Variants in NBEA observed in about 807,000 individuals in gnomAD.
The protein encoded by NBEA is neurobeachin.
Under a neutral mutation model 343.4 loss-of-function variants are expected in NBEA, and 44 were observed. That is an observed-to-expected ratio of 0.13 (90% CI 0.10 to 0.16). The LOEUF (loss-of-function observed/expected upper bound fraction) is 0.16, where lower values mean the gene tolerates loss of function less well. Among genes scored for constraint, NBEA ranks in the 10% least tolerant of loss-of-function variants. The pLI, the probability that NBEA is intolerant of heterozygous loss-of-function variation, is 1.00. For missense variants in NBEA, 2,555 were observed against 3,631.3 expected (o/e 0.70, Z 7.62); for synonymous variants, 1,175 against 1,238.7 (o/e 0.95, Z 1.08).
chr13:35,402,388 G>GA (rs773172780), intron 38 of NBEA, among the ~76,000 whole-genome samples: 1 of 151,980 alleles, frequency 6.6e-6, no homozygotes, highest in South Asian at 2.1e-4. Context: ...GAATTTGGAA[G>GA]AAAAAATATA....
chr13:35,654,396 A>G (rs577544606), intron 53 of NBEA, among the ~76,000 whole-genome samples: 5 of 152,072 alleles, frequency 3.3e-5, no homozygotes, highest in Non-Finnish European at 7.4e-5. Flanking sequence ...TCAAATCTCT[A>G]CCCTCCTTTT....
At chr13:35,646,827 C>T (rs1374610973) in intron 51 of NBEA, among the ~76,000 whole-genome samples, 1 of 152,132 alleles carries the variant, frequency 6.6e-6, no homozygotes, top group Non-Finnish European at 1.5e-5. Context: ...AGAGTAAGGG[C>T]CCCAGAGCCG....
chr13:35,632,513 A>G lies in NBEA; in HGVS notation c.7617+4265A>G, dbSNP rs560845394. ...GAAAGCTTTTTTTTTTTCCCCTACA[A>G]AAGTACAGAGAATGGTATAATGAAC... On this transcript the variant is annotated intron_variant, in intron 49 of 58. Coordinates refer to ENST00000379939, the MANE Select transcript of NBEA (RefSeq NM_001385012.1). Among the ~76,000 whole-genome samples the G allele has an allele frequency of 2.0e-5, 3 of 152,178 alleles. No homozygotes were observed. In the East Asian group the frequency reaches 5.8e-4, roughly 29 times the overall value.
chr13:35,413,145 G>A (rs1248887268), intron 38 of NBEA, among the ~76,000 whole-genome samples: 14 of 152,094 alleles, frequency 9.2e-5, no homozygotes, highest in Non-Finnish European at 2.9e-5. Context: ...TTTATTAGCT[G>A]GAGGAGGTCA....
At chr13:34,987,503 T>G (rs189730640) in intron 1 of NBEA, among the ~76,000 whole-genome samples, 11 of 150,966 alleles carry the variant, frequency 7.3e-5, no homozygotes, top group Non-Finnish European at 1.5e-4. Context: ...AGTATCTTTG[T>G]GGTGTTCTTT....
intron 1 of NBEA, among the ~76,000 whole-genome samples, chr13:34,998,249 C>T (rs1288499511): frequency 6.6e-6 from 1 of 152,090 alleles, no homozygotes; most frequent in Non-Finnish European, 1.5e-5. Context: ...AGATCACCTG[C>T]TTCACAAGGT....
intron 34 of NBEA, among the ~76,000 whole-genome samples, chr13:35,278,840 A>G (rs1004746427): frequency 2.0e-5 from 3 of 152,192 alleles, no homozygotes; most frequent in Admixed American, 6.6e-5. Flanking sequence ...AGTCTCTGTC[A>G]TAGTGCTCAA....
chr13:35,116,751 G>A (rs1410084750), intron 13 of NBEA, among the ~76,000 whole-genome samples: 1 of 151,754 alleles, frequency 6.6e-6, no homozygotes, highest in African/African-American at 2.4e-5. Context: ...ATTCTGTATT[G>A]TATATTATGC....
intron 16 of NBEA, among the ~76,000 whole-genome samples, chr13:35,122,436 T>C (rs1157050689): frequency 6.6e-6 from 1 of 152,038 alleles, no homozygotes; most frequent in East Asian, 1.9e-4. Flanking sequence ...TGGATGAAGC[T>C]GGAAACCATC....
At chr13:35,439,473 A>G (rs903767648) in intron 39 of NBEA, among the ~76,000 whole-genome samples, 1 of 152,012 alleles carries the variant, frequency 6.6e-6, no homozygotes, top group South Asian at 2.1e-4. Context: ...TTACCATGGC[A>G]TGGAGACATA....
At chr13:35,529,931 GA>G (rs1267093312) in intron 41 of NBEA, among the ~76,000 whole-genome samples, 3 of 152,214 alleles carry the variant, frequency 2.0e-5, no homozygotes, top group Non-Finnish European at 1.5e-5. Flanking sequence ...ATCTTTACAA[GA>G]GGATTGTTTT....
intron 41 of NBEA, among the ~76,000 whole-genome samples, chr13:35,511,507 A>G (rs1167954384): frequency 3.3e-5 from 5 of 152,198 alleles, no homozygotes; most frequent in Non-Finnish European, 1.5e-5. Context: ...GAAAGAAAAA[A>G]TAATCACTAG....
At chr13:35,290,269 CT>C in intron 34 of NBEA, 119 bp from the exon 35 acceptor site, 2 of 616,178 alleles carry the variant, frequency 3.2e-6, no homozygotes, top group South Asian at 2.0e-5. Flanking sequence ...TTCAGTTTAC[CT>C]TAGGAATTCT....
chr13:35,251,728 G>A (rs953096072), intron 34 of NBEA: 9 of 293,850 alleles, frequency 3.1e-5, no homozygotes, highest in South Asian at 1.7e-4. Context: ...ATGACTACCC[G>A]ATGGAGCTGT....
At chr13:34,977,984 T>C (rs1250558405) in intron 1 of NBEA, among the ~76,000 whole-genome samples, 1 of 152,152 alleles carries the variant, frequency 6.6e-6, no homozygotes. Flanking sequence ...AAAAAATTTT[T>C]TTTTTAGAGA....
intron 38 of NBEA, among the ~76,000 whole-genome samples, chr13:35,374,795 A>G (rs771380208): frequency 1.1e-4 from 17 of 152,152 alleles, no homozygotes; most frequent in Non-Finnish European, 1.9e-4. Context: ...ACACAAGTTT[A>G]AAAGTATCTT....
intron 45 of NBEA, among the ~76,000 whole-genome samples, chr13:35,574,386 AAAAG>A (rs1394588101): frequency 1.0e-4 from 13 of 128,218 alleles, no homozygotes; most frequent in African/African-American, 3.3e-4. Context: ...CTATCAAAAA[AAAAG>A]AAAAACAAAA....
intron 38 of NBEA, among the ~76,000 whole-genome samples, chr13:35,365,424 T>C (rs1422052862): frequency 6.6e-6 from 1 of 151,680 alleles, no homozygotes; most frequent in Non-Finnish European, 1.5e-5. Flanking sequence ...TTTTGACCCA[T>C]TCGCAACAAA....
At chr13:34,995,765 G>A (rs1054765904) in intron 1 of NBEA, among the ~76,000 whole-genome samples, 46 of 152,202 alleles carry the variant, frequency 3.0e-4, no homozygotes, top group African/African-American at 1.1e-3. Context: ...CAGCATGAAT[G>A]ACTTCATATT....
Sources: gnomAD v4.1 joint callset for allele counts (sites outside exome capture counted in the v4.1 genomes callset) on GRCh38, gnomAD v4.1.1 for gene constraint, MANE v1.5 for transcripts, NCBI Gene and HGNC (gene_info 2026-07-23, HGNC 2026-07-21) for gene names.